SYNJ2: variants seen among roughly 807,000 people sequenced by gnomAD.
The protein encoded by SYNJ2 is polyphosphatidylinositol phosphatase SYNJ2.
A neutral mutation model predicts 141.3 loss-of-function variants in SYNJ2; 116 were observed. The observed-to-expected ratio is 0.82, with a 90% CI of 0.71 to 0.96. SYNJ2 has a LOEUF of 0.96. Among genes scored for constraint, SYNJ2 ranks in the 40% least tolerant of loss-of-function variants. SYNJ2 has a pLI of 0.00. For synonymous variants in SYNJ2, 745 were observed against 777.7 expected (o/e 0.96, Z 0.70); for missense variants, 1,873 against 1,934.8 (o/e 0.97, Z 0.60).
intron 22 of SYNJ2, 76 bp from the exon 23 acceptor site, chr6:158,086,779 C>T: frequency 6.5e-7 from 1 of 1,534,808 alleles, no homozygotes; most frequent in Non-Finnish European, 8.8e-7. Flanking sequence ...CAGTCGGCCT[C>T]CTGTGCTCAG....
chr6:158,079,929 C>A (rs1782564002), intron 18 of SYNJ2, among the ~76,000 whole-genome samples: 1 of 152,054 alleles, frequency 6.6e-6, no homozygotes, highest in Non-Finnish European at 1.5e-5. Context: ...AACATGTGTG[C>A]TATGAAAGAA....
intron 3 of SYNJ2, 176 bp downstream of exon 3, chr6:158,029,202 C>T: frequency 2.5e-6 from 2 of 791,544 alleles, no homozygotes; most frequent in South Asian, 3.9e-5. Context: ...TAACCCTGAA[C>T]TCCCTGCCAC....
chr6:158,069,800 G>A, intron 14 of SYNJ2, 127 bp downstream of exon 14: 1 of 1,207,328 alleles, frequency 8.3e-7, no homozygotes, highest in East Asian at 2.6e-5. Flanking sequence ...CATTATTTTA[G>A]ATAAATGTAG....
At chr6:158,090,549 T>TTG (rs1554257289) in intron 25 of SYNJ2, among the ~76,000 whole-genome samples, 1 of 139,440 alleles carries the variant, frequency 7.2e-6, no homozygotes, top group Admixed American at 7.2e-5. Context: ...TTTGTTTTTT[T>TTG]TTTTTTTTTT....
rs1310861620 is a variant in SYNJ2, at chr6:158,081,611, T to C, written c.2865+101T>C. On this transcript the variant is annotated intron_variant, in intron 20 of 26. Coordinates refer to ENST00000355585, the MANE Select transcript of SYNJ2 (RefSeq NM_003898.4). ...CTCTTGCCCTGACCTGTGCCTTTTT[T>C]TTTTTTTTTTTTTTTTTTTTTTTTC... is the stretch of plus-strand genomic sequence containing the variant. The C allele has an allele frequency of 2.0e-5, 6 of 305,942 alleles. No homozygotes were observed. In the East Asian group the frequency reaches 2.9e-4, roughly 15 times the overall value. 19.0% of individuals were successfully genotyped at this position (305,942 alleles called of 1,614,324 possible).
chr6:158,068,735 G>T lies in SYNJ2; in HGVS notation c.1799+7G>T. 2 of 1,614,016 alleles carry T rather than the reference G, an allele frequency of 1.2e-6. No homozygotes were observed. The highest frequency in any genetic ancestry group is 1.7e-6 in the Non-Finnish European group (2 of 1,179,994). On this transcript the variant is annotated splice_region_variant and intron_variant, in intron 13 of 26. Transcript: ENST00000355585. ...GGAATATTGTCAATGCCAGGTAAGGGGCCAGGTGTGCGGGGCCAGGCAGGG... is the reference window on the plus strand; with the variant it reads ...GGAATATTGTCAATGCCAGGTAAGGTGCCAGGTGTGCGGGGCCAGGCAGGG...
At position 158,055,028 on chromosome 6, in the gene SYNJ2, G is replaced by T. The variant is rs1168073282; in HGVS notation, c.857G>T (p.Arg286Met). Residue 286 changes from arginine (R) to methionine (M), a missense_variant and splice_region_variant, in exon 6 of 27, where the codon AGG (arginine) becomes ATG (methionine). Physicochemically the swap from Arg to Met is moderately conservative, Grantham distance 91 (BLOSUM62 -1). Transcript: ENST00000355585. ...GAAGCCAATGCCCCTGCTTTCGACA[G>T]GTAGGGATTGTCTGACACCATCCAA... ...GLEANAPAFDRHMVLLKEQYG... is the reference protein window; with the variant it reads ...GLEANAPAFDMHMVLLKEQYG... The T allele has an allele frequency of 6.2e-7, 1 of 1,613,758 alleles. No homozygotes were observed. The highest frequency in any genetic ancestry group is 1.1e-5 in the South Asian group (1 of 91,054).
Position 158,033,572 on chromosome 6 carries a change from C to T in SYNJ2, c.603C>T (p.Ala201=). 3 of 1,614,108 alleles carry T rather than the reference C, an allele frequency of 1.9e-6. No individual in the cohort carries two copies. Among genetic ancestry groups the T allele is most frequent in the Non-Finnish European group, 2.5e-6 (3 of 1,180,050 alleles). Residue 201 remains alanine (A), a synonymous_variant, in exon 4 of 27, where the codon GCC becomes GCT. Coordinates refer to ENST00000355585, the MANE Select transcript of SYNJ2 (RefSeq NM_003898.4). The part of the protein sequence containing the change: ...IRTVYASHKQ[A]KACLVSRVSC... ...CCGTGTATGCCTCCCACAAGCAGGC[C>T]AAGGCCTGCCTCGTCTCTCGCGTTA... is the stretch of plus-strand genomic sequence containing the variant.
chr6:158,025,387 T>C (rs1382807355), intron 2 of SYNJ2, among the ~76,000 whole-genome samples: 2 of 152,240 alleles, frequency 1.3e-5, no homozygotes, highest in East Asian at 3.9e-4. Context: ...TTTTAAAGGG[T>C]ACAGCAGGCC....
At chr6:158,011,618 C>G (rs1020562600) in intron 1 of SYNJ2, among the ~76,000 whole-genome samples, 1 of 152,090 alleles carries the variant, frequency 6.6e-6, no homozygotes, top group Non-Finnish European at 1.5e-5. Flanking sequence ...TCCCAGTGGC[C>G]GGGATGTGAA....
chr6:158,033,727 G>A (rs753353017), intron 4 of SYNJ2, 47 bp downstream of exon 4: 3 of 1,560,928 alleles, frequency 1.9e-6, no homozygotes, highest in East Asian at 4.5e-5. Flanking sequence ...CCGAGTGGCT[G>A]CAGCTCTTGC....
rs775359566 is a variant in SYNJ2, at chr6:158,093,111, G to A, written c.3744+7G>A. 2 of 1,607,898 alleles carry A rather than the reference G, an allele frequency of 1.2e-6. No homozygotes were observed. The highest frequency in any genetic ancestry group is 8.5e-7 in the Non-Finnish European group (1 of 1,178,332). Reference sequence around the variant, plus strand: ...CTTGAGAAGGACAGGAAAGGTAAAAGCCTGGTAACATAAAACCTCTTACTC... The same window carrying A: ...CTTGAGAAGGACAGGAAAGGTAAAAACCTGGTAACATAAAACCTCTTACTC... On this transcript the variant is annotated splice_region_variant and intron_variant, in intron 26 of 26. Transcript: ENST00000355585.
chr6:158,040,344 A>G lies in SYNJ2; in HGVS notation c.712-2972A>G, dbSNP rs148359567. 3.0e-3 allele frequency among the ~76,000 whole-genome samples: 459 copies of G among 152,052 alleles called. 2 individuals carry two copies. Among genetic ancestry groups the G allele is most frequent in the African/African-American group, 0.01 (430 of 41,486 alleles). ...GTGCATTTATGTGTTGTATACACACATGTGTGGGTTGTGTATGTGTTGTGT... is the reference window on the plus strand; with the variant it reads ...GTGCATTTATGTGTTGTATACACACGTGTGTGGGTTGTGTATGTGTTGTGT... On this transcript the variant is annotated intron_variant, in intron 4 of 26. Coordinates refer to ENST00000355585, the MANE Select transcript of SYNJ2 (RefSeq NM_003898.4). The surrounding 1 kb of genome is among the most constrained non-coding windows in gnomAD (Gnocchi z 4.2).
In SYNJ2 at chr6:158,088,738, C is replaced by T. The variant is rs752212604; in HGVS notation, c.3422C>T (p.Thr1141Met). The change falls in exon 24 of 27, where the codon ACG becomes ATG. Residue 1141 changes from threonine (T) to methionine (M), a missense_variant. Transcript: ENST00000355585. ...CATGGACAGTATTCAATTTTGCAGA[C>T]GGCAAGACTTCTACCAGGAGCACCT... ...GTHGQYSILQTARLLPGAPQQ... is the reference protein window; with the variant it reads ...GTHGQYSILQMARLLPGAPQQ... 3.0e-5 allele frequency: 48 copies of T among 1,613,900 alleles called. 1 individual carries two copies. The highest frequency in any genetic ancestry group is 1.4e-4 in the South Asian group (13 of 91,086).
chr6:158,022,892 G>A (rs1224807368), intron 2 of SYNJ2, among the ~76,000 whole-genome samples: 1 of 152,208 alleles, frequency 6.6e-6, no homozygotes, highest in Non-Finnish European at 1.5e-5. Flanking sequence ...CACTGACGGT[G>A]GCCCGGGAGT....
In SYNJ2 at chr6:158,078,213, C is replaced by T. The variant is rs760074749; in HGVS notation, c.2499C>T (p.Val833=). The T allele has an allele frequency of 3.7e-6, 6 of 1,614,060 alleles. No homozygotes were observed. The highest frequency in any genetic ancestry group is 2.2e-5 in the East Asian group (1 of 44,880). Residue 833 remains valine (V), a synonymous_variant, in exon 18 of 27, where the codon GTC becomes GTT. Transcript: ENST00000355585. ...GTGATCTAGATGTTGACACCAAAGT[C>T]AGACACACCTGGTCTCCTGGTGCCC... The part of the protein sequence containing the change: ...LDSDLDVDTK[V]RHTWSPGALQ...
chr6:158,073,057 G>A (rs1353815208), intron 15 of SYNJ2, among the ~76,000 whole-genome samples: 14 of 122,358 alleles, frequency 1.1e-4, no homozygotes, highest in East Asian at 5.1e-4. Context: ...GCAACAGAGC[G>A]AGACTCTGTC....
intron 15 of SYNJ2, among the ~76,000 whole-genome samples, chr6:158,073,506 A>G (rs1782071717): frequency 6.6e-6 from 1 of 152,186 alleles, no homozygotes; most frequent in African/African-American, 2.4e-5. Flanking sequence ...CCAACATTCT[A>G]CACTGGTATT....
At chr6:158,034,501 C>T (rs1779537291) in intron 4 of SYNJ2, among the ~76,000 whole-genome samples, 1 of 152,182 alleles carries the variant, frequency 6.6e-6, no homozygotes, top group Non-Finnish European at 1.5e-5. Flanking sequence ...GAGGTTTGAG[C>T]ACCTACCTTT....
Sources: gnomAD v4.1 joint callset for allele counts (sites outside exome capture counted in the v4.1 genomes callset) on GRCh38, gnomAD v4.1.1 for gene constraint, Gnocchi (gnomAD v3.1) non-coding constraint, MANE v1.5 for transcripts, NCBI Gene and HGNC (gene_info 2026-07-23, HGNC 2026-07-21) for gene names.